PLBD2: variants seen among roughly 807,000 people sequenced by gnomAD.
PLBD2 encodes putative aminopeptidase PLBD2.
PLBD2 carries 51 observed loss-of-function variants against 68.3 expected under a neutral mutation model. The observed-to-expected ratio is 0.75, with a 90% CI of 0.60 to 0.94. PLBD2 has a LOEUF of 0.94. Among genes scored for constraint, PLBD2 ranks in the 40% least tolerant of loss-of-function variants. The pLI, the probability that PLBD2 is intolerant of heterozygous loss-of-function variation, is 0.00. For missense variants in PLBD2, 729 were observed against 792.2 expected, an observed-to-expected ratio of 0.92 and a Z score of 0.96; for synonymous variants, 314 against 339.3, an observed-to-expected ratio of 0.93 and a Z score of 0.82.
intron 6 of PLBD2, among the ~76,000 whole-genome samples, chr12:113,381,580 C>T (rs552941379): frequency 3.3e-5 from 5 of 152,136 alleles, no homozygotes; most frequent in East Asian, 1.9e-4. Flanking sequence ...GAGTGTGGAA[C>T]GAGGCAAGAG....
chr12:113,387,899 A>G lies in PLBD2; in HGVS notation c.1595A>G (p.Asp532Gly). 7 of 1,614,092 alleles carry G rather than the reference A, an allele frequency of 4.3e-6. No individual in the cohort carries two copies. Among genetic ancestry groups the G allele is most frequent in the Non-Finnish European group, 5.9e-6 (7 of 1,179,960 alleles). ...CGTCAGCGCTCCCATGGGGGTATCG[A>G]TGTGAAGGTGCTGCCTCCTCCCTAG... ...ALRQRSHGGIDVKVTSMSLAR... is the reference protein window; with the variant it reads ...ALRQRSHGGIGVKVTSMSLAR... Residue 532 changes from aspartate to glycine, a missense_variant, in exon 11 of 12, where the codon GAT becomes GGT. Physicochemically the swap from Asp to Gly is moderately conservative, Grantham distance 94. Coordinates refer to ENST00000280800, the MANE Select transcript of PLBD2 (RefSeq NM_173542.4).
At chr12:113,373,469 C>T (rs1222409282) in intron 3 of PLBD2, among the ~76,000 whole-genome samples, 1 of 152,244 alleles carries the variant, frequency 6.6e-6, no homozygotes, top group Non-Finnish European at 1.5e-5. Context: ...TAGAACTTCT[C>T]ACTGTTTACC....
intron 1 of PLBD2, among the ~76,000 whole-genome samples, chr12:113,366,536 G>GTGCCATTTTGCTC (rs1957343709): frequency 6.6e-6 from 1 of 151,952 alleles, no homozygotes; most frequent in African/African-American, 2.4e-5. Flanking sequence ...GAGTGCAGTG[G>GTGCCATTTTGCTC]AATGATCATA....
Position 113,377,351 on chromosome 12 carries a change from A to G in PLBD2, c.859+2344A>G, listed in dbSNP as rs1257228375. 2.0e-5 allele frequency among the ~76,000 whole-genome samples: 3 copies of G among 152,158 alleles called. No individual in the cohort carries two copies. The East Asian group carries it at 5.8e-4, about 29-fold the overall frequency. Reference sequence around the variant, plus strand: ...GAGAAACAGAACATTCCCAGCCCCTAGAAGCTTCCCTCGTATCCCTTTCCA... The same window carrying G: ...GAGAAACAGAACATTCCCAGCCCCTGGAAGCTTCCCTCGTATCCCTTTCCA... On this transcript the variant is annotated intron_variant, in intron 5 of 11. Coordinates refer to ENST00000280800, the MANE Select transcript of PLBD2 (RefSeq NM_173542.4).
chr12:113,374,384 C>T, intron 3 of PLBD2, 90 bp from the exon 4 acceptor site: 2 of 893,500 alleles, frequency 2.2e-6, no homozygotes, highest in Non-Finnish European at 3.5e-6. Flanking sequence ...TCTGTCTGAA[C>T]CCCCAGGCCA....
At position 113,384,738 on chromosome 12, in the gene PLBD2, A is replaced by T; in HGVS notation, c.1119-113A>T. ...GTCAGGGTGTCAGTTGAATGGCTGG[A>T]CAACCCCAGGCCCACTTCCTGTAAT... On this transcript the variant is annotated intron_variant, in intron 7 of 11. Transcript: ENST00000280800. This position sits in a 1 kb window ranked among gnomAD's most constrained non-coding sequence, Gnocchi z 4.2. The T allele has an allele frequency of 1.2e-6, 1 of 805,392 alleles. No individual in the cohort carries two copies. 49.9% of individuals were successfully genotyped at this position (805,392 alleles called of 1,614,324 possible).
intron 1 of PLBD2, among the ~76,000 whole-genome samples, chr12:113,361,357 T>G (rs1957294033): frequency 6.9e-6 from 1 of 145,008 alleles, no homozygotes; most frequent in South Asian, 2.2e-4. Context: ...TTTTTTTTTT[T>G]GAGACAGGGT....
chr12:113,358,659 C>T lies in PLBD2; in HGVS notation c.59C>T (p.Ala20Val), dbSNP rs1312382716. 3 of 1,460,792 alleles carry T rather than the reference C, an allele frequency of 2.1e-6. No homozygotes were observed. Among genetic ancestry groups the T allele is most frequent in the Non-Finnish European group, 2.7e-6 (3 of 1,113,504 alleles). 90.5% of individuals were successfully genotyped at this position (1,460,792 alleles called of 1,614,324 possible). A position where few individuals can be genotyped will look rare whatever the true frequency, so the allele number is the denominator to read the frequency against. Residue 20 changes from alanine (A) to valine (V), a missense_variant, in exon 1 of 12, where the codon GCG (alanine) becomes GTG (valine). Physicochemically the swap from Ala to Val is moderately conservative, Grantham distance 64. Transcript: ENST00000280800. ...CACCTGGCCCGGGCGCTGACGCGGG[C>T]GCTGGCGCTGGCCCTGGTGCTGGCC... ...GSHLARALTR[A>V]LALALVLALL... is the part of the protein sequence containing the mutation.
In PLBD2 at chr12:113,387,878, A is replaced by C. The variant is rs1166796561; in HGVS notation, c.1574A>C (p.Gln525Pro). ...TCCTACCCCTTCCAGGCCCTGCGTC[A>C]GCGCTCCCATGGGGGTATCGATGTG... is the stretch of plus-strand genomic sequence containing the variant. ...NGSYPFQALR[Q>P]RSHGGIDVKV... The change falls in exon 11 of 12, where the codon CAG becomes CCG. Residue 525 changes from glutamine to proline, a missense_variant. Transcript: ENST00000280800. 75 of 1,614,080 alleles carry C rather than the reference A, an allele frequency of 4.6e-5. No individual in the cohort carries two copies. Among genetic ancestry groups the C allele is most frequent in the Non-Finnish European group, 6.4e-5 (75 of 1,180,022 alleles).
At chr12:113,363,360 A>G (rs575923754) in intron 1 of PLBD2, among the ~76,000 whole-genome samples, 2 of 152,166 alleles carry the variant, frequency 1.3e-5, no homozygotes, top group African/African-American at 4.8e-5. Context: ...GCTTGAGTCC[A>G]GGTGAGGCTA....
chr12:113,375,175 T>C (rs879189761), intron 5 of PLBD2, 168 bp downstream of exon 5: 7 of 648,434 alleles, frequency 1.1e-5, no homozygotes, highest in Non-Finnish European at 1.9e-5. Flanking sequence ...AGTTGGGGTC[T>C]TGCTCTGTTG....
In PLBD2 at chr12:113,384,297, T is replaced by G. The variant is rs1260705224; in HGVS notation, c.1118+32T>G. On this transcript the variant is annotated intron_variant, in intron 7 of 11. Transcript: ENST00000280800. This position sits in a 1 kb window ranked among gnomAD's most constrained non-coding sequence, Gnocchi z 4.2. Reference sequence around the variant, plus strand: ...GGGCTTCTGGCCCTGTGGCTTCCCCTGCACCAAGAGATAGACCAACCTCCC... The same window carrying G: ...GGGCTTCTGGCCCTGTGGCTTCCCCGGCACCAAGAGATAGACCAACCTCCC... The G allele has an allele frequency of 1.3e-6, 2 of 1,587,084 alleles. No homozygotes were observed. The highest frequency in any genetic ancestry group is 8.6e-7 in the Non-Finnish European group (1 of 1,165,240).
At chr12:113,382,834 T>C (rs959246676) in intron 6 of PLBD2, among the ~76,000 whole-genome samples, 1 of 130,360 alleles carries the variant, frequency 7.7e-6, no homozygotes, top group East Asian at 2.2e-4. Flanking sequence ...GTGGTGGTTT[T>C]TTGTGTGTGT....
At chr12:113,385,335 C>A (rs1018940886) in intron 9 of PLBD2, 52 bp downstream of exon 9, 5 of 1,512,426 alleles carry the variant, frequency 3.3e-6, no homozygotes, top group Non-Finnish European at 4.6e-6. Flanking sequence ...ATCCACCTCA[C>A]TCCTTGCCCA....
rs1957593627 is a variant in PLBD2 at position 113,389,987 on chromosome 12, T to G, written c.*1361T>G. On this transcript the variant is annotated 3_prime_UTR_variant, in exon 12 of 12. Transcript: ENST00000280800. ...TCCCAAAGTGCTTGGATTACAGATG[T>G]GAGCCCCCGCACCTGGCCTCATTTG... The G allele has an allele frequency of 6.6e-6, 1 of 152,118 alleles. No homozygotes were observed. Among genetic ancestry groups the G allele is most frequent in the South Asian group, 2.1e-4 (1 of 4,830 alleles). The allele number at this position is 152,118 out of a possible 1,614,324, so 9.4% of individuals were successfully genotyped here. A position where few individuals can be genotyped will look rare whatever the true frequency, so the allele number is the denominator to read the frequency against.
chr12:113,372,779 C>A lies in PLBD2; in HGVS notation c.515C>A (p.Ser172Ter). The change falls in exon 3 of 12, where the codon TCA becomes TAA. Residue 172 changes from serine (S) to a stop codon, truncating the protein, a stop_gained. Transcript: ENST00000280800. LOFTEE classifies it high-confidence loss of function. The surrounding 1 kb of genome is among the most constrained non-coding windows in gnomAD (Gnocchi z 4.2). ...NLEWMQEEMESNPDSPYWHQV... is the reference protein window; with the variant it reads ...NLEWMQEEME ...GAGTGGATGCAGGAAGAGATGGAGT[C>A]AAACCCAGACTCACCTTACTGGCAC... The A allele has an allele frequency of 6.2e-7, 1 of 1,613,800 alleles. No individual in the cohort carries two copies. The highest frequency in any genetic ancestry group is 1.1e-5 in the South Asian group (1 of 91,060).
intron 5 of PLBD2, among the ~76,000 whole-genome samples, chr12:113,380,143 A>G (rs1490255860): frequency 6.7e-6 from 1 of 149,462 alleles, no homozygotes; most frequent in East Asian, 1.9e-4. Flanking sequence ...TTATTTATTT[A>G]TTTATTTTTT....
chr12:113,363,817 G>A (rs577069688), intron 1 of PLBD2, among the ~76,000 whole-genome samples: 5 of 152,244 alleles, frequency 3.3e-5, no homozygotes, highest in East Asian at 1.9e-4. Flanking sequence ...GATTACAGGC[G>A]TGAGCCACTG....
intron 10 of PLBD2, among the ~76,000 whole-genome samples, chr12:113,387,345 C>T (rs1957562218): frequency 6.6e-6 from 1 of 152,142 alleles, no homozygotes; most frequent in African/African-American, 2.4e-5. Context: ...ATGCTTGGTA[C>T]CAGGAGCAAC....
Sources: allele counts gnomAD v4.1 joint callset (sites outside exome capture counted in the v4.1 genomes callset), GRCh38; gene constraint gnomAD v4.1.1; non-coding constraint Gnocchi (gnomAD v3.1); transcripts MANE v1.5; gene names NCBI Gene and HGNC (gene_info 2026-07-23, HGNC 2026-07-21).